Variants in CACNA2D3 observed in about 807,000 individuals in gnomAD.
CACNA2D3 encodes voltage-dependent calcium channel subunit alpha-2/delta-3.
In CACNA2D3, 60 loss-of-function variants were observed where a neutral mutation model predicts 160.6. That is an observed-to-expected ratio of 0.37 (90% CI 0.30 to 0.46). The LOEUF (loss-of-function observed/expected upper bound fraction) is 0.46. Among genes scored for constraint, CACNA2D3 ranks in the 20% least tolerant of loss-of-function variants. The pLI is 1.00. For missense variants in CACNA2D3, 1,205 were observed against 1,365.0 expected, an observed-to-expected ratio of 0.88 and a Z score of 1.85; for synonymous variants, 558 against 492.9, an observed-to-expected ratio of 1.13 and a Z score of -1.75.
At chr3:54,673,496 C>G (rs588784) in intron 11 of CACNA2D3, among the ~76,000 whole-genome samples, 125,845 of 152,138 alleles carry the variant, frequency 0.83, 53,936 homozygotes, top group Non-Finnish European at 0.94. Context: ...GGAGAAATTA[C>G]ATGATTTTCA....
chr3:54,799,072 A>G (rs1206280922), intron 13 of CACNA2D3, among the ~76,000 whole-genome samples: 5 of 152,188 alleles, frequency 3.3e-5, no homozygotes, highest in African/African-American at 9.7e-5. Flanking sequence ...CTGGTTACCA[A>G]GTTTCTAAGA....
At chr3:54,845,018 A>G (rs1418676844) in intron 16 of CACNA2D3, among the ~76,000 whole-genome samples, 2 of 152,152 alleles carry the variant, frequency 1.3e-5, no homozygotes, top group African/African-American at 2.4e-5. Context: ...TGTGTCTGAC[A>G]TTTTTCCAAG....
At chr3:54,184,257 G>A (rs189868390) in intron 2 of CACNA2D3, among the ~76,000 whole-genome samples, 1 of 152,230 alleles carries the variant, frequency 6.6e-6, no homozygotes, top group African/African-American at 2.4e-5. Context: ...CCTTCAGGCT[G>A]TGCGCTGCCT....
intron 2 of CACNA2D3, among the ~76,000 whole-genome samples, chr3:54,274,215 C>CATATAT (rs148715563): frequency 6.7e-6 from 1 of 149,890 alleles, no homozygotes; most frequent in Admixed American, 6.7e-5. Context: ...GATTTCTATG[C>CATATAT]ATATATATAT....
intron 17 of CACNA2D3, among the ~76,000 whole-genome samples, chr3:54,864,477 T>C (rs1286161860): frequency 6.6e-6 from 1 of 152,140 alleles, no homozygotes; most frequent in African/African-American, 2.4e-5. Flanking sequence ...TTTTGCCATG[T>C]TGGCCAGGCT....
intron 11 of CACNA2D3, among the ~76,000 whole-genome samples, chr3:54,695,715 C>T (rs1463897370): frequency 1.3e-5 from 2 of 152,176 alleles, no homozygotes; most frequent in African/African-American, 4.8e-5. Flanking sequence ...ATATTTTCTT[C>T]TCTGTGAATG....
At chr3:54,303,934 G>A (rs942824626) in intron 2 of CACNA2D3, among the ~76,000 whole-genome samples, 36 of 151,086 alleles carry the variant, frequency 2.4e-4, no homozygotes, top group African/African-American at 7.5e-4. Context: ...GAGATGCCTG[G>A]GACAGAATTT....
intron 2 of CACNA2D3, among the ~76,000 whole-genome samples, chr3:54,218,877 A>G (rs909137512): frequency 1.4e-4 from 21 of 151,042 alleles, no homozygotes; most frequent in Non-Finnish European, 3.0e-4. Context: ...CTTCACTGTC[A>G]TCTCCCTCTC....
intron 27 of CACNA2D3, among the ~76,000 whole-genome samples, chr3:54,942,061 A>G (rs1372934999): frequency 1.3e-5 from 2 of 152,230 alleles, no homozygotes; most frequent in African/African-American, 4.8e-5. Flanking sequence ...GTCCTCAGTC[A>G]CATAGGAACT....
chr3:55,038,403 T>C (rs781747091), intron 35 of CACNA2D3, among the ~76,000 whole-genome samples: 1 of 152,070 alleles, frequency 6.6e-6, no homozygotes, highest in South Asian at 2.1e-4. Flanking sequence ...CAAACACATA[T>C]GAGATGTGTT....
chr3:54,302,330 T>C (rs1575381908), intron 2 of CACNA2D3, among the ~76,000 whole-genome samples: 1 of 152,184 alleles, frequency 6.6e-6, no homozygotes, highest in Non-Finnish European at 1.5e-5. Context: ...GTGGAAGTGG[T>C]TGGTGTAGCT....
At chr3:54,641,590 C>A (rs149421598) in intron 10 of CACNA2D3, among the ~76,000 whole-genome samples, 6 of 152,192 alleles carry the variant, frequency 3.9e-5, no homozygotes, top group Non-Finnish European at 2.9e-5. Flanking sequence ...CAGGAGAAGA[C>A]TTTATATGAC....
chr3:54,634,991 G>C (rs662982), intron 10 of CACNA2D3, among the ~76,000 whole-genome samples: 116,490 of 151,652 alleles, frequency 0.77, 45,214 homozygotes, highest in African/African-American at 0.83. Context: ...GTTGGGGCGG[G>C]GAAAATTTTT....
At chr3:54,238,275 C>T (rs1380086583) in intron 2 of CACNA2D3, among the ~76,000 whole-genome samples, 2 of 152,074 alleles carry the variant, frequency 1.3e-5, no homozygotes, top group South Asian at 2.1e-4. Flanking sequence ...ATTTTAGTCA[C>T]GTAATCTTTT....
intron 13 of CACNA2D3, among the ~76,000 whole-genome samples, chr3:54,791,729 G>C (rs1458854063): frequency 2.6e-5 from 4 of 152,114 alleles, no homozygotes; most frequent in Non-Finnish European, 4.4e-5. Context: ...TGTCTCAAAA[G>C]TAACCAGATT....
intron 11 of CACNA2D3, among the ~76,000 whole-genome samples, chr3:54,731,266 C>A (rs542246322): frequency 2.0e-4 from 30 of 152,174 alleles, no homozygotes; most frequent in Non-Finnish European, 3.2e-4. Flanking sequence ...AGTCATACTG[C>A]CTTCTGAAAT....
intron 5 of CACNA2D3, among the ~76,000 whole-genome samples, chr3:54,556,733 C>T (rs1045945368): frequency 2.0e-5 from 3 of 152,118 alleles, no homozygotes; most frequent in African/African-American, 7.2e-5. Context: ...AATGGTTTGC[C>T]TGCTACTCAG....
At chr3:54,971,936 A>G (rs1396502070) in intron 29 of CACNA2D3, among the ~76,000 whole-genome samples, 3 of 152,226 alleles carry the variant, frequency 2.0e-5, no homozygotes, top group Non-Finnish European at 2.9e-5. Context: ...ATGAATAGAT[A>G]AGACATGAAC....
intron 35 of CACNA2D3, among the ~76,000 whole-genome samples, chr3:55,059,679 C>G (rs1055945156): frequency 6.6e-6 from 1 of 152,106 alleles, no homozygotes. Context: ...TCTTGGTACC[C>G]GGGTTCTTGT....
Sources: gnomAD v4.1 joint callset for allele counts (sites outside exome capture counted in the v4.1 genomes callset) on GRCh38, gnomAD v4.1.1 for gene constraint, MANE v1.5 for transcripts, NCBI Gene and HGNC (gene_info 2026-07-23, HGNC 2026-07-21) for gene names.